The following RAD17 variants were observed in gnomAD, a reference collection of about 807,000 sequenced individuals.
RAD17 encodes RAD17 checkpoint clamp loader component.
RAD17 carries 31 observed loss-of-function variants against 81.5 expected under a neutral mutation model. The ratio of observed to expected loss-of-function variants is 0.38; its 90% confidence interval spans 0.29 to 0.51. The LOEUF is 0.51. Ranked by LOEUF, RAD17 falls within the 20% of genes least tolerant of loss-of-function variation. RAD17 has a pLI of 0.88. For synonymous variants in RAD17, 261 were observed against 266.2 expected, an observed-to-expected ratio of 0.98 and a Z score of 0.19; for missense variants, 681 against 781.2, an observed-to-expected ratio of 0.87 and a Z score of 1.53.
chr5:69,399,471 T>TA (rs1214079538), intron 16 of RAD17, among the ~76,000 whole-genome samples: 2 of 152,210 alleles, frequency 1.3e-5, no homozygotes, highest in African/African-American at 4.8e-5. Flanking sequence ...TCTAAAATCA[T>TA]ACAGCTGAAA....
At chr5:69,372,804 T>C (rs1299359368) in intron 4 of RAD17, among the ~76,000 whole-genome samples, 2 of 151,758 alleles carry the variant, frequency 1.3e-5, no homozygotes, top group Non-Finnish European at 2.9e-5. Flanking sequence ...AGAGTTGGGG[T>C]CTCCCTATGT....
At chr5:69,378,587 C>G (rs893947623) in intron 6 of RAD17, among the ~76,000 whole-genome samples, 1 of 152,156 alleles carries the variant, frequency 6.6e-6, no homozygotes, top group African/African-American at 2.4e-5. Context: ...AATACTGAAC[C>G]ATTATTCTAA....
intron 11 of RAD17, among the ~76,000 whole-genome samples, chr5:69,387,555 G>A (rs1424147533): frequency 1.3e-5 from 2 of 152,088 alleles, no homozygotes; most frequent in African/African-American, 2.4e-5. Context: ...TATGCTATTA[G>A]TGTTTTGAAA....
At chr5:69,371,305 A>G (rs1054029753) in intron 2 of RAD17, 134 bp downstream of exon 2, 9 of 486,286 alleles carry the variant, frequency 1.9e-5, no homozygotes, top group Non-Finnish European at 3.0e-5. Context: ...TAGAATTTTG[A>G]TTTCTTGTAT....
chr5:69,403,664 A>T (rs1765413482), intron 17 of RAD17, among the ~76,000 whole-genome samples: 1 of 152,214 alleles, frequency 6.6e-6, no homozygotes, highest in Non-Finnish European at 1.5e-5. Context: ...TCATGCCTAT[A>T]ATCCCAGAAC....
At chr5:69,403,941 AT>A (rs869152708) in intron 17 of RAD17, among the ~76,000 whole-genome samples, 4 of 68,930 alleles carry the variant, frequency 5.8e-5, no homozygotes, top group African/African-American at 1.3e-4. Flanking sequence ...CTCCAAAAAA[AT>A]AAAATAAAAT....
At chr5:69,383,473 G>C (rs918759564) in intron 7 of RAD17, among the ~76,000 whole-genome samples, 1 of 151,778 alleles carries the variant, frequency 6.6e-6, no homozygotes, top group Admixed American at 6.6e-5. Flanking sequence ...CCGCCTCCTG[G>C]GTTCAAGCAA....
At chr5:69,387,276 T>TAAAA (rs532482634) in intron 11 of RAD17, among the ~76,000 whole-genome samples, 1 of 151,488 alleles carries the variant, frequency 6.6e-6, no homozygotes, top group Non-Finnish European at 1.5e-5. Context: ...AAGATGATGT[T>TAAAA]AAAAAAAAAT....
chr5:69,393,038 A>T, intron 13 of RAD17, 117 bp from the exon 14 acceptor site: 1 of 590,112 alleles, frequency 1.7e-6, no homozygotes. Flanking sequence ...ATTATTTTTT[A>T]ACAGTTTGTT....
intron 17 of RAD17, among the ~76,000 whole-genome samples, chr5:69,403,588 A>ATCCTTTC (rs1468236717): frequency 1.2e-4 from 19 of 152,208 alleles, no homozygotes; most frequent in African/African-American, 4.6e-4. Context: ...TTAGTCTTTA[A>ATCCTTTC]TCCTTTCTTC....
At chr5:69,408,704 T>C (rs1319837339) in intron 17 of RAD17, among the ~76,000 whole-genome samples, 1 of 151,998 alleles carries the variant, frequency 6.6e-6, no homozygotes, top group Non-Finnish European at 1.5e-5. Flanking sequence ...AGAGATGGCG[T>C]TTCACCATGT....
chr5:69,385,551 G>C (rs1346130676), intron 8 of RAD17, among the ~76,000 whole-genome samples: 19 of 152,102 alleles, frequency 1.2e-4, no homozygotes, highest in Non-Finnish European at 2.9e-5. Flanking sequence ...GATTACACAT[G>C]TGAGCCACCA....
intron 6 of RAD17, among the ~76,000 whole-genome samples, chr5:69,381,479 CAA>C (rs57160119): frequency 1.1e-4 from 15 of 133,318 alleles, no homozygotes; most frequent in African/African-American, 2.5e-4. Flanking sequence ...AGACTCGTCT[CAA>C]AAAAAAAAAA....
At chr5:69,373,183 TTG>T (rs1763111545) in intron 4 of RAD17, among the ~76,000 whole-genome samples, 1 of 152,194 alleles carries the variant, frequency 6.6e-6, no homozygotes, top group South Asian at 2.1e-4. Flanking sequence ...TTTGTTTATT[TTG>T]TTTTGCTTTT....
At chr5:69,395,824 A>G (rs569671790) in intron 15 of RAD17, among the ~76,000 whole-genome samples, 1 of 152,278 alleles carries the variant, frequency 6.6e-6, no homozygotes, top group East Asian at 1.9e-4. Flanking sequence ...AATAATTGGA[A>G]AGTATTAGTA....
intron 17 of RAD17, among the ~76,000 whole-genome samples, chr5:69,407,558 C>G (rs1765682051): frequency 9.4e-6 from 1 of 106,078 alleles, no homozygotes; most frequent in Non-Finnish European, 2.0e-5. Context: ...CAATCTATGT[C>G]CAAGTTTTTT....
intron 17 of RAD17, among the ~76,000 whole-genome samples, chr5:69,407,875 C>A (rs749545959): frequency 1.4e-4 from 21 of 152,202 alleles, no homozygotes; most frequent in Non-Finnish European, 2.6e-4. Flanking sequence ...GATGATACTT[C>A]TGGTTCAAAT....
Position 69,372,098 on chromosome 5 carries a change from G to C in RAD17, c.-111G>C. The C allele has an allele frequency of 1.4e-6, 2 of 1,448,136 alleles. No homozygotes were observed. Among genetic ancestry groups the C allele is most frequent in the Non-Finnish European group, 1.9e-6 (2 of 1,072,780 alleles). 89.7% of individuals were successfully genotyped at this position (1,448,136 alleles called of 1,614,324 possible). On this transcript the variant is annotated 5_prime_UTR_variant, in exon 4 of 19. Transcript: ENST00000354868. ...AAATGTATAAATAATTTGCAAATCAGAATTGCTGTCGAAAGTTTTACTATA... is the reference window on the plus strand; with the variant it reads ...AAATGTATAAATAATTTGCAAATCACAATTGCTGTCGAAAGTTTTACTATA...
chr5:69,410,965 C>CTACATATATATATATATATATATATA (rs1554044688), intron 18 of RAD17, among the ~76,000 whole-genome samples: 1 of 90,264 alleles, frequency 1.1e-5, no homozygotes, highest in African/African-American at 4.9e-5. Context: ...AGATGTCTGT[C>CTACATATATATATATATATATATATA]TATATATATA....
Sources: allele counts gnomAD v4.1 joint callset (sites outside exome capture counted in the v4.1 genomes callset), GRCh38; gene constraint gnomAD v4.1.1; transcripts MANE v1.5; gene names NCBI Gene and HGNC (gene_info 2026-07-23, HGNC 2026-07-21).